The following RIN3 variants were observed in gnomAD, a reference collection of about 807,000 sequenced individuals.
RIN3 encodes RAB5 interacting protein 3.
In RIN3, 54 loss-of-function variants were observed where a neutral mutation model predicts 76.3. The ratio of observed to expected loss-of-function variants is 0.71; its 90% CI spans 0.57 to 0.89. The LOEUF (loss-of-function observed/expected upper bound fraction) is 0.89, where lower values mean the gene tolerates loss of function less well. Among genes scored for constraint, RIN3 ranks in the 40% least tolerant of loss-of-function variants. The pLI is 0.00. For synonymous variants in RIN3, 576 were observed against 564.0 expected (o/e 1.02, Z -0.30); for missense variants, 1,256 against 1,322.1 (o/e 0.95, Z 0.78).
intron 1 of RIN3, among the ~76,000 whole-genome samples, chr14:92,518,747 C>T (rs908047601): frequency 8.0e-5 from 12 of 149,132 alleles, no homozygotes; most frequent in Non-Finnish European, 1.0e-4. Context: ...GTCCCAAATG[C>T]GGGTCTCTGG....
chr14:92,686,539 A>C (rs1888863586), intron 9 of RIN3: 2 of 152,294 alleles, frequency 1.3e-5, no homozygotes, highest in South Asian at 4.1e-4. Flanking sequence ...CCGGACTCCC[A>C]CAGACTGTAG....
rs529311040 is a variant in RIN3, at chr14:92,679,975, A to G, written c.2467+3369A>G. Among the ~76,000 whole-genome samples the G allele has an allele frequency of 2.0e-5, 3 of 152,264 alleles. No individual in the cohort carries two copies. In the East Asian group the frequency reaches 5.8e-4, roughly 29 times the overall value. On this transcript the variant is annotated intron_variant, in intron 8 of 9. Coordinates refer to ENST00000216487, the MANE Select transcript of RIN3 (RefSeq NM_024832.5). ...CTGTCTGGATGCTCTCGTATTCTGC[A>G]GTGGTGGCTTGGTGTTAGTTTGTTT...
At chr14:92,663,618 C>T (rs1408471431) in intron 7 of RIN3, among the ~76,000 whole-genome samples, 1 of 152,158 alleles carries the variant, frequency 6.6e-6, no homozygotes, top group Non-Finnish European at 1.5e-5. Flanking sequence ...ACCGTGACTC[C>T]CAATTTCATC....
rs56180273 is a variant in RIN3 at position 92,661,758 on chromosome 14, CAA to C, written c.2335+2294_2335+2295del. 7.6e-3 allele frequency among the ~76,000 whole-genome samples: 1,014 copies of C among 133,212 alleles called. 16 individuals are homozygous for C. The highest frequency in any genetic ancestry group is 0.026 in the African/African-American group (807 of 31,546). 87.4% of individuals were successfully genotyped at this position (133,212 alleles called of 152,430 possible). A position where few individuals can be genotyped will look rare whatever the true frequency, so the allele number is the denominator to read the frequency against. On this transcript the variant is annotated intron_variant, in intron 7 of 9. Coordinates refer to ENST00000216487, the MANE Select transcript of RIN3 (RefSeq NM_024832.5). ...ACACACACACACACACACACACACA[CAA>C]AAAATAGAATTGTGCTCCCCAAAAG... is the stretch of plus-strand genomic sequence containing the variant.
rs930732957 is a variant in RIN3, at chr14:92,623,427, T to A, written c.440+7948T>A. On this transcript the variant is annotated intron_variant, in intron 4 of 9. Coordinates refer to ENST00000216487, the MANE Select transcript of RIN3 (RefSeq NM_024832.5). This position sits in a 1 kb window ranked among gnomAD's most constrained non-coding sequence, Gnocchi z 4.9. Reference sequence around the variant, plus strand: ...ATAAATCGCTGCTGGTTATAATAGATGTAATTTATCCAAGCTACATTTTTA... The same window carrying A: ...ATAAATCGCTGCTGGTTATAATAGAAGTAATTTATCCAAGCTACATTTTTA... 6.6e-6 allele frequency among the ~76,000 whole-genome samples: 1 copy of A among 152,224 alleles called. No individual in the cohort carries two copies. The highest frequency in any genetic ancestry group is 2.4e-5 in the African/African-American group (1 of 41,462).
intron 1 of RIN3, among the ~76,000 whole-genome samples, chr14:92,545,589 T>C (rs1403792661): frequency 0.014 from 2,055 of 148,720 alleles, 50 homozygotes; most frequent in African/African-American, 0.048. Context: ...TTTCTTTTTT[T>C]TTTTTTTTTG....
intron 1 of RIN3, among the ~76,000 whole-genome samples, chr14:92,554,323 A>G (rs1376255686): frequency 6.6e-6 from 1 of 152,108 alleles, no homozygotes; most frequent in East Asian, 1.9e-4. Context: ...GGATCCCTTA[A>G]ACCGGACAGA....
chr14:92,563,630 T>TA (rs143122668), intron 2 of RIN3, among the ~76,000 whole-genome samples: 60,004 of 151,648 alleles, frequency 0.4, 12,306 homozygotes, highest in South Asian at 0.51. Context: ...CCAAAAGCTT[T>TA]AAAAAAAACA....
chr14:92,663,293 A>G (rs1386636973), intron 7 of RIN3, among the ~76,000 whole-genome samples: 1 of 152,238 alleles, frequency 6.6e-6, no homozygotes, highest in African/African-American at 2.4e-5. Context: ...AAAACTTACC[A>G]GAGAGCAGGG....
At position 92,614,996 on chromosome 14, in the gene RIN3, A is replaced by T. The variant is rs1595457462; in HGVS notation, c.368-411A>T. On this transcript the variant is annotated intron_variant, in intron 3 of 9. Coordinates refer to ENST00000216487, the MANE Select transcript of RIN3 (RefSeq NM_024832.5). The stretch of plus-strand genomic sequence containing the variant: ...GTAGCTGGGATTACAGGTGCCTGCC[A>T]CCACACCGGCTAATTTTTTGTATTT... Among the ~76,000 whole-genome samples the T allele has an allele frequency of 2.0e-5, 3 of 151,844 alleles. No homozygotes were observed. In the East Asian group the frequency reaches 5.8e-4, roughly 29 times the overall value.
rs545769426 is a variant in RIN3 at position 92,615,492 on chromosome 14, G to A, written c.440+13G>A. 14 of 1,609,232 alleles carry A rather than the reference G, an allele frequency of 8.7e-6. No individual in the cohort carries two copies. The highest frequency in any genetic ancestry group is 6.7e-5 in the East Asian group (3 of 44,862). ...ACTGTGTCAGTAGGTGAGTAGACCCGGCCCTGCAGGAGGTTATCTGGTTGT... is the reference window on the plus strand; with the variant it reads ...ACTGTGTCAGTAGGTGAGTAGACCCAGCCCTGCAGGAGGTTATCTGGTTGT... On this transcript the variant is annotated intron_variant, in intron 4 of 9. Coordinates refer to ENST00000216487, the MANE Select transcript of RIN3 (RefSeq NM_024832.5).
chr14:92,564,852 G>T (rs775395756), intron 2 of RIN3, among the ~76,000 whole-genome samples: 1 of 152,238 alleles, frequency 6.6e-6, no homozygotes, highest in Non-Finnish European at 1.5e-5. Flanking sequence ...AGCTGACTCA[G>T]CAAGGCCCCA....
At chr14:92,560,353 G>A (rs2140040049) in intron 2 of RIN3, among the ~76,000 whole-genome samples, 1 of 152,250 alleles carries the variant, frequency 6.6e-6, no homozygotes, top group East Asian at 1.9e-4. Flanking sequence ...ACAGAGTGGA[G>A]GAGCTGTGTC....
chr14:92,555,039 T>C (rs1897539970), intron 1 of RIN3, among the ~76,000 whole-genome samples: 1 of 152,252 alleles, frequency 6.6e-6, no homozygotes, highest in Non-Finnish European at 1.5e-5. Flanking sequence ...CACTTGTCAG[T>C]TCAGACAAGC....
chr14:92,665,982 C>T (rs1324158590), intron 7 of RIN3, among the ~76,000 whole-genome samples: 2 of 151,622 alleles, frequency 1.3e-5, no homozygotes, highest in African/African-American at 4.9e-5. Flanking sequence ...CTTTGTTGAG[C>T]CCTGGGAGCT....
intron 2 of RIN3, among the ~76,000 whole-genome samples, chr14:92,565,803 G>A (rs1286563627): frequency 6.6e-6 from 1 of 152,100 alleles, no homozygotes; most frequent in African/African-American, 2.4e-5. Flanking sequence ...TTATCAGCAG[G>A]GTCTTTGTGA....
intron 7 of RIN3, among the ~76,000 whole-genome samples, chr14:92,666,662 A>C (rs2140158986): frequency 6.6e-6 from 1 of 152,334 alleles, no homozygotes; most frequent in South Asian, 2.1e-4. Flanking sequence ...TTTGACAAAG[A>C]AGTCATTCCC....
intron 1 of RIN3, among the ~76,000 whole-genome samples, chr14:92,543,772 G>A (rs1258764899): frequency 1.3e-5 from 2 of 151,678 alleles, no homozygotes; most frequent in Non-Finnish European, 2.9e-5. Context: ...TAGTAGAGAC[G>A]GGATTTCACT....
intron 3 of RIN3, among the ~76,000 whole-genome samples, chr14:92,593,564 G>T (rs1885056805): frequency 6.6e-6 from 1 of 151,908 alleles, no homozygotes; most frequent in Non-Finnish European, 1.5e-5. Context: ...AGGGGGAGGG[G>T]TTGCATTAGG....
Sources: allele counts gnomAD v4.1 joint callset (sites outside exome capture counted in the v4.1 genomes callset), GRCh38; gene constraint gnomAD v4.1.1; non-coding constraint Gnocchi (gnomAD v3.1); transcripts MANE v1.5; gene names NCBI Gene and HGNC (gene_info 2026-07-23, HGNC 2026-07-21).